Variants in PLEKHH2 observed in about 807,000 individuals in gnomAD.
PLEKHH2 encodes pleckstrin homology, MyTH4 and FERM domain containing H2.
A neutral mutation model predicts 187.9 loss-of-function variants in PLEKHH2; 129 were observed. The observed-to-expected ratio is 0.69, with a 90% CI of 0.59 to 0.79. PLEKHH2 has a LOEUF of 0.79. PLEKHH2 is among the 30% of genes least tolerant of loss of function. PLEKHH2 has a pLI of 0.00. For missense variants in PLEKHH2, 2,076 were observed against 1,751.2 expected (o/e 1.19, Z -3.31); for synonymous variants, 686 against 605.6 (o/e 1.13, Z -1.95).
At chr2:43,733,362 CAA>C (rs60417054) in intron 19 of PLEKHH2, among the ~76,000 whole-genome samples, 41,621 of 104,764 alleles carry the variant, frequency 0.4, 6,977 homozygotes, top group Middle Eastern at 0.52. Flanking sequence ...GACTCCATCT[CAA>C]AAAAAAAAAA....
intron 1 of PLEKHH2, among the ~76,000 whole-genome samples, chr2:43,639,372 A>G (rs1369050670): frequency 6.6e-6 from 1 of 152,164 alleles, no homozygotes; most frequent in Non-Finnish European, 1.5e-5. Flanking sequence ...CTAATTCTAG[A>G]ATATTTTCAT....
intron 2 of PLEKHH2, among the ~76,000 whole-genome samples, chr2:43,660,615 C>T (rs1457291830): frequency 8.5e-6 from 1 of 117,738 alleles, no homozygotes; most frequent in Non-Finnish European, 1.7e-5. Context: ...GCCACCCCTC[C>T]CCCCTCCCCC....
intron 3 of PLEKHH2, among the ~76,000 whole-genome samples, chr2:43,691,995 T>C (rs544035269): frequency 5.3e-5 from 8 of 152,324 alleles, no homozygotes; most frequent in East Asian, 1.9e-4. Context: ...TAGACTCTAA[T>C]ACATTTTTAT....
chr2:43,681,201 A>G, intron 3 of PLEKHH2: 3 of 674,440 alleles, frequency 4.4e-6, no homozygotes, highest in Non-Finnish European at 7.8e-6. Flanking sequence ...CAAAGAATAC[A>G]GAAAGCTGTT....
intron 18 of PLEKHH2, among the ~76,000 whole-genome samples, chr2:43,730,561 A>C (rs750021274): frequency 4.6e-5 from 7 of 152,000 alleles, no homozygotes; most frequent in Non-Finnish European, 7.4e-5. Context: ...ACCATGCCCG[A>C]CTAATTTTTG....
Position 43,700,082 on chromosome 2 carries a change from G to C in PLEKHH2, c.1124G>C (p.Ser375Thr), listed in dbSNP as rs145148620. 1,170 of 1,614,166 alleles carry C rather than the reference G, an allele frequency of 7.2e-4. 1 individual carries two copies. Among genetic ancestry groups the C allele is most frequent in the Non-Finnish European group, 9.5e-4 (1,120 of 1,180,016 alleles). Residue 375 changes from serine (S) to threonine (T), a missense_variant, in exon 8 of 30, where the codon AGT becomes ACT. Ser to Thr is a moderately conservative substitution (Grantham distance 58). Transcript: ENST00000282406. ...CTTGGAAAGGGAAATTCTGAATTAA[G>C]TAAAAAGGAACAAGATAGTTCCTCG... is the stretch of plus-strand genomic sequence containing the variant. ...SPLGKGNSEL[S>T]KKEQDSSSDE...
chr2:43,765,417 T>C lies in PLEKHH2; in HGVS notation c.4301T>C (p.Leu1434Pro). The C allele has an allele frequency of 6.2e-7, 1 of 1,614,010 alleles. No individual in the cohort carries two copies. Among genetic ancestry groups the C allele is most frequent in the Non-Finnish European group, 8.5e-7 (1 of 1,179,900 alleles). The change falls in exon 30 of 30, where the codon CTT (leucine) becomes CCT (proline). Residue 1434 changes from leucine to proline, a missense_variant. Transcript: ENST00000282406. ...LLFAMAKPKI[L>P]EITLLIASYI... ...ATTCTGTTTTCCTTGTTTTAGATTC[T>C]TGAAATCACTCTTTTGATCGCCAGT...
intron 2 of PLEKHH2, among the ~76,000 whole-genome samples, chr2:43,672,204 G>T (rs1402418219): frequency 6.6e-6 from 1 of 152,142 alleles, no homozygotes; most frequent in Admixed American, 6.5e-5. Flanking sequence ...ATTAGCATCT[G>T]TGGGGTCTGT....
rs1665846188 is a variant in PLEKHH2, at chr2:43,640,509, GA to G, written c.-4+3132del. ...ATGCTGGCCTGTTTAAACTTTTCAG[GA>G]ACTGTAAAACTGTTTACAAAGCAGC... On this transcript the variant is annotated intron_variant, in intron 1 of 29. Transcript: ENST00000282406. Among the ~76,000 whole-genome samples, 8 of 151,996 alleles carry G rather than the reference GA, an allele frequency of 5.3e-5. No individual in the cohort carries two copies. The South Asian group carries it at 1.7e-3, about 32-fold the overall frequency.
rs1235800734 is a variant in PLEKHH2, at chr2:43,758,997, C to T, written c.4039C>T (p.Pro1347Ser). The T allele has an allele frequency of 3.1e-6, 5 of 1,612,152 alleles. No individual in the cohort carries two copies. The highest frequency in any genetic ancestry group is 2.5e-6 in the Non-Finnish European group (3 of 1,178,738). Reference sequence around the variant, plus strand: ...TTATTTGACAGTAGCCAGGAAGTGGCCATTCTTTGGTGCCAAGTTGTTTCT... The same window carrying T: ...TTATTTGACAGTAGCCAGGAAGTGGTCATTCTTTGGTGCCAAGTTGTTTCT... ...RIYLTVARKW[P>S]FFGAKLFLAK... The change falls in exon 27 of 30, where the codon CCA becomes TCA. Residue 1347 changes from proline to serine, a missense_variant. Physicochemically the swap from Pro to Ser is moderately conservative, Grantham distance 74. Transcript: ENST00000282406.
intron 8 of PLEKHH2, among the ~76,000 whole-genome samples, chr2:43,701,974 G>T (rs1432354907): frequency 1.3e-5 from 2 of 152,118 alleles, no homozygotes; most frequent in Non-Finnish European, 2.9e-5. Context: ...TCACCATGTT[G>T]GCCAGGCTGG....
intron 24 of PLEKHH2, among the ~76,000 whole-genome samples, chr2:43,747,683 T>C (rs761890088): frequency 2.6e-4 from 39 of 152,232 alleles, no homozygotes; most frequent in Non-Finnish European, 3.7e-4. Flanking sequence ...ACATTAATTA[T>C]AACAAAATAA....
intron 7 of PLEKHH2, among the ~76,000 whole-genome samples, chr2:43,699,311 C>G (rs1669239404): frequency 6.6e-6 from 1 of 151,856 alleles, no homozygotes; most frequent in Non-Finnish European, 1.5e-5. Context: ...TTTTCAAAAA[C>G]TTGTGTTTAA....
In PLEKHH2 at chr2:43,700,406, G is replaced by A. The variant is rs780629642; in HGVS notation, c.1448G>A (p.Arg483Lys). The change falls in exon 8 of 30, where the codon AGA (arginine) becomes AAA (lysine). Residue 483 changes from arginine to lysine, a missense_variant. By Grantham distance (26) the Arg-to-Lys change is conservative. Transcript: ENST00000282406. ...GCTATAAGCATGATACGACCACTGA[G>A]ACCTCAGGAAACTGATCTTGATCTA... ...RNAISMIRPL[R>K]PQETDLDLVD... The A allele has an allele frequency of 1.9e-6, 3 of 1,614,080 alleles. No homozygotes were observed. The highest frequency in any genetic ancestry group is 4.5e-5 in the East Asian group (2 of 44,874).
chr2:43,726,811 A>G (rs1228628084), intron 17 of PLEKHH2, among the ~76,000 whole-genome samples: 2 of 152,136 alleles, frequency 1.3e-5, no homozygotes, highest in Non-Finnish European at 2.9e-5. Context: ...ACAGTAGAAA[A>G]TTAATTATTT....
intron 16 of PLEKHH2, among the ~76,000 whole-genome samples, chr2:43,725,293 C>A (rs79119229): frequency 6.6e-6 from 1 of 152,144 alleles, no homozygotes; most frequent in East Asian, 1.9e-4. Context: ...GCTGTAGGCA[C>A]CCCCTCTAGT....
intron 14 of PLEKHH2, chr2:43,710,809 C>T (rs1371313796): frequency 4.7e-6 from 6 of 1,282,254 alleles, no homozygotes; most frequent in Non-Finnish European, 5.9e-6. Context: ...TTCCTTTATA[C>T]TCTTCTTTCC....
intron 2 of PLEKHH2, 127 bp downstream of exon 2, chr2:43,644,923 G>A: frequency 9.1e-7 from 1 of 1,093,044 alleles, no homozygotes; most frequent in Non-Finnish European, 1.2e-6. Flanking sequence ...GCTATATTTG[G>A]CATATTCTTT....
At chr2:43,720,411 G>A (rs970097766) in intron 15 of PLEKHH2, among the ~76,000 whole-genome samples, 19 of 152,016 alleles carry the variant, frequency 1.2e-4, no homozygotes, top group African/African-American at 4.1e-4. Context: ...CATAGTACCC[G>A]ATAGGTAGCT....
Sources: allele counts gnomAD v4.1 joint callset (sites outside exome capture counted in the v4.1 genomes callset), GRCh38; gene constraint gnomAD v4.1.1; transcripts MANE v1.5; gene names NCBI Gene and HGNC (gene_info 2026-07-23, HGNC 2026-07-21).